The following RB1 variants were observed in gnomAD, a reference collection of about 807,000 sequenced individuals.
The protein encoded by RB1 is RB transcriptional corepressor 1.
RB1 carries 18 observed loss-of-function variants against 135.4 expected under a neutral mutation model. The ratio of observed to expected loss-of-function variants is 0.13; its 90% CI spans 0.09 to 0.20. The LOEUF (loss-of-function observed/expected upper bound fraction) is 0.20, where lower values mean the gene tolerates loss of function less well. Ranked by LOEUF, RB1 falls within the 10% of genes least tolerant of loss-of-function variation. RB1 has a pLI of 1.00. For synonymous variants in RB1, 365 were observed against 373.2 expected, an observed-to-expected ratio of 0.98 and a Z score of 0.25; for missense variants, 868 against 1,110.0, an observed-to-expected ratio of 0.78 and a Z score of 3.10.
intron 5 of RB1, among the ~76,000 whole-genome samples, 200 bp downstream of exon 5, chr13:48,348,063 A>G (rs1952514094): frequency 1.3e-5 from 2 of 152,042 alleles, no homozygotes; most frequent in African/African-American, 4.8e-5. Context: ...TGTACTACAA[A>G]GAAGAACTAA....
chr13:48,307,780 T>A (rs1952096315), intron 2 of RB1, among the ~76,000 whole-genome samples: 1 of 151,292 alleles, frequency 6.6e-6, no homozygotes, highest in African/African-American at 2.4e-5. Flanking sequence ...GGAGAATTGC[T>A]TGAACCCAGG....
At chr13:48,338,938 C>T (rs1281537788) in intron 2 of RB1, among the ~76,000 whole-genome samples, 1 of 152,202 alleles carries the variant, frequency 6.6e-6, no homozygotes, top group African/African-American at 2.4e-5. Context: ...TGGAGGTTGA[C>T]TCCAGACCCT....
intron 2 of RB1, chr13:48,318,295 C>T: frequency 8.6e-7 from 1 of 1,162,308 alleles, no homozygotes; most frequent in South Asian, 1.6e-5. Flanking sequence ...CCCAGCTGCT[C>T]CAGGAAGTGC....
intron 17 of RB1, among the ~76,000 whole-genome samples, chr13:48,404,010 C>T (rs560606918): frequency 9.6e-4 from 146 of 151,728 alleles, no homozygotes; most frequent in African/African-American, 3.2e-3. Flanking sequence ...CAAAGAAAAA[C>T]GAAAAAAAAG....
rs1225257991 is a variant in RB1, at chr13:48,411,953, G to C, written c.1695+30510G>C. ...CTGAGGCATTGTTACCCTGAGAGTGGGTAGACTGAACAAAAACGGCGGGTG... is the reference window on the plus strand; with the variant it reads ...CTGAGGCATTGTTACCCTGAGAGTGCGTAGACTGAACAAAAACGGCGGGTG... On this transcript the variant is annotated intron_variant, in intron 17 of 26. Transcript: ENST00000267163. 1.2e-6 allele frequency: 2 copies of C among 1,612,370 alleles called. No individual in the cohort carries two copies. Among genetic ancestry groups the C allele is most frequent in the African/African-American group, 1.3e-5 (1 of 74,868 alleles).
In RB1 at chr13:48,359,868, T is replaced by C; in HGVS notation, c.608-149T>C. ...ATACCTTTTAAAACAGATTTTTTTT[T>C]TTTTTACAAAAAAAAGAAAGAAAAT... is the stretch of plus-strand genomic sequence containing the variant. On this transcript the variant is annotated intron_variant, in intron 6 of 26. Transcript: ENST00000267163. 27 of 1,235,150 alleles carry C rather than the reference T, an allele frequency of 2.2e-5. No homozygotes were observed. The South Asian group carries it at 4.3e-4, about 20-fold the overall frequency. 76.5% of individuals were successfully genotyped at this position (1,235,150 alleles called of 1,614,324 possible). A position where few individuals can be genotyped will look rare whatever the true frequency, so the allele number is the denominator to read the frequency against.
chr13:48,437,829 A>C (rs75062442), intron 17 of RB1, among the ~76,000 whole-genome samples: 140 of 152,290 alleles, frequency 9.2e-4, no homozygotes, highest in Middle Eastern at 3.4e-3. Context: ...ACCCTGGTAC[A>C]GTTTAGGAAC....
chr13:48,317,344 C>A, intron 2 of RB1: 1 of 387,108 alleles, frequency 2.6e-6, no homozygotes, highest in Non-Finnish European at 4.6e-6. Flanking sequence ...GCTCCCGACG[C>A]CCCGCCTCCA....
At chr13:48,317,710 G>A (rs1024363566) in intron 2 of RB1, 42 of 521,914 alleles carry the variant, frequency 8.0e-5, no homozygotes, top group South Asian at 2.7e-4. Flanking sequence ...GGGAGCAGCG[G>A]GGAGCCCCTT....
chr13:48,362,946 A>C lies in RB1; in HGVS notation c.850A>C (p.Asn284His), dbSNP rs761609284. Residue 284 changes from asparagine (N) to histidine (H), a missense_variant, in exon 8 of 27, where the codon AAT (asparagine) becomes CAT (histidine). By Grantham distance (68) the Asn-to-His change is moderately conservative. Transcript: ENST00000267163. Reference sequence around the variant, plus strand: ...AGTTCTCTGTAAAGAACATGAATGTAATATAGATGAGGTAATTTAACTTCA... The same window carrying C: ...AGTTCTCTGTAAAGAACATGAATGTCATATAGATGAGGTAATTTAACTTCA... Reference protein sequence around the residue: ...IEVLCKEHECNIDEVKNVYFK... With the variant: ...IEVLCKEHECHIDEVKNVYFK... 1 of 1,612,728 alleles carries C rather than the reference A, an allele frequency of 6.2e-7. No homozygotes were observed. The highest frequency in any genetic ancestry group is 1.1e-5 in the South Asian group (1 of 91,062).
At chr13:48,357,498 T>G (rs1453205173) in intron 6 of RB1, among the ~76,000 whole-genome samples, 4 of 152,090 alleles carry the variant, frequency 2.6e-5, no homozygotes, top group Non-Finnish European at 4.4e-5. Context: ...TAATATGTAT[T>G]TGGATCACTA....
At chr13:48,470,675 G>T in intron 23 of RB1, among the ~76,000 whole-genome samples, 1 of 19,688 alleles carries the variant, frequency 5.1e-5, no homozygotes, top group Non-Finnish European at 4.1e-4. Context: ...CTGACAAAGG[G>T]CTAATATCCA....
At chr13:48,446,242 G>A (rs976573032) in intron 17 of RB1, among the ~76,000 whole-genome samples, 2 of 152,178 alleles carry the variant, frequency 1.3e-5, no homozygotes, top group African/African-American at 2.4e-5. Context: ...ACAGGCCTGA[G>A]CCACCATGCC....
chr13:48,307,590 C>T (rs531889272), intron 2 of RB1, among the ~76,000 whole-genome samples, 184 bp downstream of exon 2: 1 of 151,484 alleles, frequency 6.6e-6, no homozygotes, highest in East Asian at 1.9e-4. Context: ...CACGGTGGTT[C>T]ATGCCTGTAA....
At chr13:48,392,248 C>T (rs575653170) in intron 17 of RB1, among the ~76,000 whole-genome samples, 16 of 151,856 alleles carry the variant, frequency 1.1e-4, no homozygotes, top group African/African-American at 3.9e-4. Context: ...GTGACTGGGA[C>T]TAAAGGCACA....
intron 1 of RB1, among the ~76,000 whole-genome samples, chr13:48,306,406 A>G (rs893427792): frequency 6.6e-6 from 1 of 152,168 alleles, no homozygotes; most frequent in Non-Finnish European, 1.5e-5. Flanking sequence ...CCCTATTTCA[A>G]AACAAGAAAA....
intron 17 of RB1, chr13:48,445,170 A>G (rs1367569223): frequency 6.6e-6 from 1 of 152,186 alleles, no homozygotes; most frequent in Non-Finnish European, 1.5e-5. Context: ...CTAAAGCAAT[A>G]TGGATTATGG....
At chr13:48,362,315 A>AT (rs5803431) in intron 7 of RB1, among the ~76,000 whole-genome samples, 9 of 151,352 alleles carry the variant, frequency 5.9e-5, no homozygotes, top group African/African-American at 1.7e-4. Context: ...AATCCAGGAG[A>AT]TTTTTTTTTT....
In RB1 at chr13:48,477,419, C is replaced by A. The variant is rs2138361059; in HGVS notation, c.2713+15C>A. ...GGCAGAAATGAGTAAGTACTTTTTT[C>A]ACCTTGTGTAAATGAAATAAACAAT... is the stretch of plus-strand genomic sequence containing the variant. On this transcript the variant is annotated intron_variant, in intron 26 of 26. Coordinates refer to ENST00000267163, the MANE Select transcript of RB1 (RefSeq NM_000321.3). 6.3e-7 allele frequency: 1 copy of A among 1,586,286 alleles called. No individual in the cohort carries two copies. Among genetic ancestry groups the A allele is most frequent in the South Asian group, 1.1e-5 (1 of 90,286 alleles).
Sources: gnomAD v4.1 joint callset for allele counts (sites outside exome capture counted in the v4.1 genomes callset) on GRCh38, gnomAD v4.1.1 for gene constraint, MANE v1.5 for transcripts, NCBI Gene and HGNC (gene_info 2026-07-23, HGNC 2026-07-21) for gene names.